KIF26B: variants seen among roughly 807,000 people sequenced by gnomAD.
KIF26B encodes the protein kinesin-like protein KIF26B.
In KIF26B, 63 loss-of-function variants were observed where a neutral mutation model predicts 151.2. The ratio of observed to expected loss-of-function variants is 0.42; its 90% CI spans 0.34 to 0.51. KIF26B has a LOEUF of 0.51. Ranked by LOEUF, KIF26B falls within the 20% of genes least tolerant of loss-of-function variation. The pLI, the probability that KIF26B is intolerant of heterozygous loss-of-function variation, is 0.07. For missense variants in KIF26B, 2,813 were observed against 2,913.6 expected (o/e 0.97, Z 0.79); for synonymous variants, 1,357 against 1,262.1 (o/e 1.08, Z -1.59).
intron 2 of KIF26B, among the ~76,000 whole-genome samples, chr1:245,206,158 C>T (rs1669401920): frequency 1.3e-5 from 2 of 152,182 alleles, no homozygotes; most frequent in African/African-American, 4.8e-5. Flanking sequence ...AACATAATGT[C>T]CTGAAGTTAT....
intron 2 of KIF26B, among the ~76,000 whole-genome samples, chr1:245,174,388 T>G (rs1668767071): frequency 6.6e-6 from 1 of 150,880 alleles, no homozygotes; most frequent in South Asian, 2.1e-4. Flanking sequence ...ATTCACTTAA[T>G]AGACAAAAGA....
intron 5 of KIF26B, among the ~76,000 whole-genome samples, chr1:245,577,900 G>A (rs2043141285): frequency 1.3e-5 from 2 of 149,322 alleles, no homozygotes; most frequent in Admixed American, 1.3e-4. Flanking sequence ...GGAACTCCGG[G>A]CGATGCTTCC....
intron 2 of KIF26B, among the ~76,000 whole-genome samples, chr1:245,345,528 C>T (rs1395956476): frequency 6.6e-6 from 1 of 152,068 alleles, no homozygotes; most frequent in Non-Finnish European, 1.5e-5. Flanking sequence ...CTGAGAGGTC[C>T]TCGTGATGGT....
intron 4 of KIF26B, among the ~76,000 whole-genome samples, chr1:245,472,074 G>A (rs1365770059): frequency 6.6e-6 from 1 of 152,196 alleles, no homozygotes; most frequent in Non-Finnish European, 1.5e-5. Context: ...TTACAGGCGT[G>A]AGCCACTGCG....
At chr1:245,331,347 G>A (rs148221891) in intron 2 of KIF26B, among the ~76,000 whole-genome samples, 5 of 152,226 alleles carry the variant, frequency 3.3e-5, no homozygotes, top group Admixed American at 6.5e-5. Context: ...GACAGCTCAC[G>A]ACACTCTTTC....
chr1:245,682,065 G>GA (rs2044446607), intron 10 of KIF26B, among the ~76,000 whole-genome samples: 3 of 152,186 alleles, frequency 2.0e-5, no homozygotes, highest in Admixed American at 2.0e-4. Context: ...CAACATGGGT[G>GA]AAACCCCGTC....
intron 3 of KIF26B, among the ~76,000 whole-genome samples, chr1:245,404,369 A>G (rs995046374): frequency 1.3e-5 from 2 of 152,140 alleles, no homozygotes; most frequent in African/African-American, 4.8e-5. Context: ...GATATGGAAG[A>G]GATGAACTCC....
chr1:245,331,780 G>A (rs917392828), intron 2 of KIF26B, among the ~76,000 whole-genome samples: 2 of 152,164 alleles, frequency 1.3e-5, no homozygotes, highest in East Asian at 1.9e-4. Flanking sequence ...CACTTCTTTC[G>A]TATGTAGAAA....
chr1:245,552,122 GGTGTGTGTGTGTGT>G (rs55650522), intron 5 of KIF26B, among the ~76,000 whole-genome samples: 5,197 of 131,706 alleles, frequency 0.039, 404 homozygotes, highest in African/African-American at 0.14. Flanking sequence ...GAACCAGCAG[GGTGTGTGTGTGTGT>G]GTGTGTGTGT....
intron 2 of KIF26B, among the ~76,000 whole-genome samples, chr1:245,344,703 C>T (rs1287918303): frequency 6.6e-6 from 1 of 151,754 alleles, no homozygotes; most frequent in Non-Finnish European, 1.5e-5. Flanking sequence ...CGCCAGGCAG[C>T]CTTAGGTTCT....
Position 245,239,483 on chromosome 1 carries a change from T to C in KIF26B, c.465+82800T>C, listed in dbSNP as rs1670173710. Among the ~76,000 whole-genome samples the C allele has an allele frequency of 6.6e-6, 1 of 152,192 alleles. No individual in the cohort carries two copies. Among genetic ancestry groups the C allele is most frequent in the Non-Finnish European group, 1.5e-5 (1 of 68,036 alleles). Reference sequence around the variant, plus strand: ...ATTCATTGACTAGGATTATGGTTAGTAAAATGATTTTCTTTTGTTTGGGTT... The same window carrying C: ...ATTCATTGACTAGGATTATGGTTAGCAAAATGATTTTCTTTTGTTTGGGTT... On this transcript the variant is annotated intron_variant, in intron 2 of 14. Coordinates refer to ENST00000407071, the MANE Select transcript of KIF26B (RefSeq NM_018012.4). This position sits in a 1 kb window ranked among gnomAD's most constrained non-coding sequence, Gnocchi z 4.3.
chr1:245,659,887 GAAAA>G (rs201409105), intron 10 of KIF26B, among the ~76,000 whole-genome samples: 1 of 130,494 alleles, frequency 7.7e-6, no homozygotes, highest in African/African-American at 2.8e-5. Flanking sequence ...AAAAATACAA[GAAAA>G]AAAAAAAAAA....
At chr1:245,458,743 G>C (rs1308482367) in intron 4 of KIF26B, among the ~76,000 whole-genome samples, 1 of 152,136 alleles carries the variant, frequency 6.6e-6, no homozygotes, top group Non-Finnish European at 1.5e-5. Flanking sequence ...TTGGTAACAC[G>C]GGACTCAGTC....
chr1:245,370,839 T>C (rs1280691995), intron 3 of KIF26B: 1 of 359,358 alleles, frequency 2.8e-6, no homozygotes, highest in Non-Finnish European at 5.5e-6. Context: ...GAGAATTTAC[T>C]GTACAAGTAT....
At position 245,241,629 on chromosome 1, in the gene KIF26B, G is replaced by A. The variant is rs1670211782; in HGVS notation, c.465+84946G>A. ...CTCAGGAGACAGTGACTCACGCTGTGTCCACCTGTGTCATCCTGTGGACAG... is the reference window on the plus strand; with the variant it reads ...CTCAGGAGACAGTGACTCACGCTGTATCCACCTGTGTCATCCTGTGGACAG... On this transcript the variant is annotated intron_variant, in intron 2 of 14. Coordinates refer to ENST00000407071, the MANE Select transcript of KIF26B (RefSeq NM_018012.4). The surrounding 1 kb of genome is among the most constrained non-coding windows in gnomAD (Gnocchi z 5.0). 6.6e-6 allele frequency among the ~76,000 whole-genome samples: 1 copy of A among 152,200 alleles called. No individual in the cohort carries two copies.
chr1:245,628,638 A>G (rs2043749018), intron 9 of KIF26B, among the ~76,000 whole-genome samples: 1 of 152,250 alleles, frequency 6.6e-6, no homozygotes, highest in East Asian at 1.9e-4. Flanking sequence ...ACAAACCCAT[A>G]GCCAATATCA....
At chr1:245,256,870 T>C (rs1354057113) in intron 2 of KIF26B, among the ~76,000 whole-genome samples, 1 of 152,216 alleles carries the variant, frequency 6.6e-6, no homozygotes, top group Non-Finnish European at 1.5e-5. Context: ...CTTTGATGTA[T>C]TTTGAAATGT....
intron 2 of KIF26B, among the ~76,000 whole-genome samples, chr1:245,235,300 A>C (rs147887439): frequency 5.6e-4 from 86 of 152,234 alleles, no homozygotes; most frequent in Non-Finnish European, 8.8e-4. Flanking sequence ...AATTTCCGTT[A>C]AGACATACGG....
chr1:245,586,191 GTGTGTGTT>G (rs1352230646), intron 5 of KIF26B, among the ~76,000 whole-genome samples: 1 of 127,206 alleles, frequency 7.9e-6, no homozygotes, highest in African/African-American at 3.3e-5. Context: ...GTGTGTGTGT[GTGTGTGTT>G]TGTTTTAATA....
Sources: gnomAD v4.1 joint callset for allele counts (sites outside exome capture counted in the v4.1 genomes callset) on GRCh38, gnomAD v4.1.1 for gene constraint, Gnocchi (gnomAD v3.1) non-coding constraint, MANE v1.5 for transcripts, NCBI Gene and HGNC (gene_info 2026-07-23, HGNC 2026-07-21) for gene names.